PLCE1: variants seen among roughly 807,000 people sequenced by gnomAD.
PLCE1 encodes 1-phosphatidylinositol 4,5-bisphosphate phosphodiesterase epsilon-1.
Under a neutral mutation model 242.8 loss-of-function variants are expected in PLCE1, and 119 were observed. The observed-to-expected ratio is 0.49, with a 90% CI of 0.42 to 0.57. PLCE1 has a LOEUF of 0.57. PLCE1 is among the 20% of genes least tolerant of loss of function. The probability of loss-of-function intolerance (pLI) is 0.00; values close to 1 mark genes in which losing one functional copy is unlikely to be tolerated. For synonymous variants in PLCE1, 945 were observed against 1,017.4 expected (o/e 0.93, Z 1.35); for missense variants, 2,441 against 2,788.8 (o/e 0.88, Z 2.81).
chr10:94,217,488 A>G (rs1009781615), intron 4 of PLCE1, among the ~76,000 whole-genome samples: 4 of 152,208 alleles, frequency 2.6e-5, no homozygotes, highest in Admixed American at 1.3e-4. Context: ...AATTAATACA[A>G]TTACAAAAGG....
chr10:94,081,214 G>T (rs1291419933), intron 2 of PLCE1, among the ~76,000 whole-genome samples: 2 of 151,818 alleles, frequency 1.3e-5, no homozygotes, highest in Admixed American at 6.6e-5. Flanking sequence ...TTTTCTTCTT[G>T]GTTTGTAAAG....
chr10:94,294,699 C>T (rs967741029), intron 23 of PLCE1, among the ~76,000 whole-genome samples: 1 of 152,030 alleles, frequency 6.6e-6, no homozygotes, highest in Non-Finnish European at 1.5e-5. Flanking sequence ...GAGCCTGTAG[C>T]AAGTTGTAAT....
intron 21 of PLCE1, 126 bp downstream of exon 21, chr10:94,284,037 C>A: frequency 9.0e-7 from 1 of 1,107,872 alleles, no homozygotes; most frequent in Non-Finnish European, 1.3e-6. Flanking sequence ...TAGATACCTG[C>A]CAAAGTTCAC....
At chr10:94,091,442 T>C (rs2045068750) in intron 2 of PLCE1, among the ~76,000 whole-genome samples, 1 of 152,168 alleles carries the variant, frequency 6.6e-6, no homozygotes, top group South Asian at 2.1e-4. Flanking sequence ...ACAACACAGC[T>C]TCTGAGGCTC....
intron 4 of PLCE1, among the ~76,000 whole-genome samples, chr10:94,201,667 G>C (rs1293956822): frequency 6.6e-6 from 1 of 152,118 alleles, no homozygotes; most frequent in African/African-American, 2.4e-5. Flanking sequence ...TTTTAGTAGA[G>C]ACGGGGTTTC....
chr10:94,298,792 T>C lies in PLCE1; in HGVS notation c.5458+123T>C. 7.2e-6 allele frequency: 7 copies of C among 967,494 alleles called. No individual in the cohort carries two copies. The highest frequency in any genetic ancestry group is 1.2e-5 in the Non-Finnish European group (7 of 605,874). 59.9% of individuals were successfully genotyped at this position (967,494 alleles called of 1,614,324 possible). On this transcript the variant is annotated intron_variant, in intron 24 of 32. Transcript: ENST00000371380. The surrounding 1 kb of genome is among the most constrained non-coding windows in gnomAD (Gnocchi z 5.2). ...GGCACACCATATGTGAGAGTAAAAA[T>C]ATGATGATGGAAAACAGAAGTGAAT...
At chr10:94,226,122 C>T (rs1233624180) in intron 4 of PLCE1, among the ~76,000 whole-genome samples, 1 of 152,160 alleles carries the variant, frequency 6.6e-6, no homozygotes, top group Admixed American at 6.5e-5. Context: ...GTAAAGGTGG[C>T]AGCAAAATAA....
intron 14 of PLCE1, 103 bp from the exon 15 acceptor site, chr10:94,265,544 T>C: frequency 9.9e-7 from 1 of 1,014,290 alleles, no homozygotes; most frequent in Non-Finnish European, 1.5e-6. Context: ...GTTTAGATGT[T>C]TCCTGATGAA....
Position 94,106,912 on chromosome 10 carries a change from T to TTCTCTTTCTCTCTCTC in PLCE1, c.1207-25257_1207-25256insTTCTCTCTCTCTCTCT, listed in dbSNP as rs1392359262. On this transcript the variant is annotated intron_variant, in intron 2 of 32. Transcript: ENST00000371380. Reference sequence around the variant, plus strand: ...GACTGGTGCTCGTGTTGTCTCTTGTTTCTCTCTCTCTCTCTCTCTCTCTCT... The same window carrying TTCTCTTTCTCTCTCTC: ...GACTGGTGCTCGTGTTGTCTCTTGTTTCTCTTTCTCTCTCTCTCTCTCTCTCTCTCTCTCTCTCTCT... 1.3e-3 allele frequency among the ~76,000 whole-genome samples: 49 copies of TTCTCTTTCTCTCTCTC among 38,770 alleles called. 1 individual carries two copies. The highest frequency in any genetic ancestry group is 4.8e-3 in the South Asian group (2 of 418). The allele number at this position is 38,770 out of a possible 152,430, so 25.4% of individuals were successfully genotyped here.
intron 22 of PLCE1, among the ~76,000 whole-genome samples, chr10:94,291,483 G>A (rs2052643693): frequency 1.3e-5 from 2 of 152,152 alleles, no homozygotes; most frequent in Admixed American, 1.3e-4. Flanking sequence ...GCAGCCACCA[G>A]GCTAACCATG....
Position 94,031,366 on chromosome 10 carries a change from A to G in PLCE1, c.320A>G (p.Asn107Ser). ...DSAKNLNINC[N>S]NILRNHQHGL... ...GCGAAAAACCTTAACATTAACTGCA[A>G]CAACATATTGAGAAACCATCAGCAT... Residue 107 changes from asparagine (N) to serine (S), a missense_variant, in exon 2 of 33, where the codon AAC (asparagine) becomes AGC (serine). Coordinates refer to ENST00000371380, the MANE Select transcript of PLCE1 (RefSeq NM_016341.4). 4 of 1,613,932 alleles carry G rather than the reference A, an allele frequency of 2.5e-6. No homozygotes were observed. The highest frequency in any genetic ancestry group is 3.4e-6 in the Non-Finnish European group (4 of 1,179,872).
chr10:94,263,564 C>T lies in PLCE1; in HGVS notation c.4053+832C>T, dbSNP rs147383867. Among the ~76,000 whole-genome samples the T allele has an allele frequency of 6.2e-3, 926 of 149,556 alleles. 16 individuals are homozygous for T. The highest frequency in any genetic ancestry group is 0.022 in the African/African-American group (896 of 40,728). On this transcript the variant is annotated intron_variant, in intron 14 of 32. Transcript: ENST00000371380. ...AAAATCAGCCAGGCATGGTGGTCCA[C>T]GCTTATAATCCCAGCTACCTGGGAG... is the stretch of plus-strand genomic sequence containing the variant.
intron 3 of PLCE1, among the ~76,000 whole-genome samples, chr10:94,164,356 T>C (rs1481232695): frequency 6.6e-6 from 1 of 152,194 alleles, no homozygotes; most frequent in African/African-American, 2.4e-5. Context: ...CATTTCTTTT[T>C]ATTCTTTTTT....
intron 2 of PLCE1, among the ~76,000 whole-genome samples, chr10:94,122,033 T>C (rs951065109): frequency 6.6e-6 from 1 of 152,168 alleles, no homozygotes; most frequent in African/African-American, 2.4e-5. Flanking sequence ...CCTGGTCTTA[T>C]AGGTTGGCAT....
At chr10:94,060,744 T>C (rs145196329) in intron 2 of PLCE1, among the ~76,000 whole-genome samples, 2,401 of 151,286 alleles carry the variant, frequency 0.016, 54 homozygotes, top group African/African-American at 0.055. Flanking sequence ...TCAGGCTAGA[T>C]AGAGTGCAGT....
intron 4 of PLCE1, among the ~76,000 whole-genome samples, chr10:94,184,056 C>T (rs57695785): frequency 0.11 from 16,516 of 152,178 alleles, 1,865 homozygotes; most frequent in African/African-American, 0.29. Flanking sequence ...GCATTACTTG[C>T]AAAATACCCC....
chr10:94,173,126 GATGAAGTT>G (rs2048032243), intron 4 of PLCE1, among the ~76,000 whole-genome samples: 2 of 152,214 alleles, frequency 1.3e-5, no homozygotes. Context: ...AGTATGTGGA[GATGAAGTT>G]ATTTTCCCAA....
At chr10:94,169,304 GT>G (rs2047900308) in intron 3 of PLCE1, among the ~76,000 whole-genome samples, 1 of 152,184 alleles carries the variant, frequency 6.6e-6, no homozygotes, top group Non-Finnish European at 1.5e-5. Flanking sequence ...GAGGTTTGGA[GT>G]TTAAAGGATA....
At chr10:94,030,573 G>T (rs1195946948) in intron 1 of PLCE1, among the ~76,000 whole-genome samples, 110 bp from the exon 2 acceptor site, 1 of 151,406 alleles carries the variant, frequency 6.6e-6, no homozygotes, top group Non-Finnish European at 1.5e-5. Context: ...ACTTCTGATT[G>T]CAAAAAAAAA....
Sources: allele counts gnomAD v4.1 joint callset (sites outside exome capture counted in the v4.1 genomes callset), GRCh38; gene constraint gnomAD v4.1.1; non-coding constraint Gnocchi (gnomAD v3.1); transcripts MANE v1.5; gene names NCBI Gene and HGNC (gene_info 2026-07-23, HGNC 2026-07-21).